Variants in ABHD12 observed in about 807,000 individuals in gnomAD.
ABHD12 encodes the protein abhydrolase domain containing 12, lysophospholipase.
Under a neutral mutation model 58.3 loss-of-function variants are expected in ABHD12, and 43 were observed. The observed-to-expected ratio is 0.74, with a 90% CI of 0.58 to 0.95. The LOEUF is 0.95. Ranked by LOEUF, ABHD12 falls within the 40% of genes least tolerant of loss-of-function variation. The probability of loss-of-function intolerance (pLI) is 0.00; values close to 1 mark genes in which losing one functional copy is unlikely to be tolerated. For synonymous variants in ABHD12, 219 were observed against 211.2 expected, an observed-to-expected ratio of 1.04 and a Z score of -0.32; for missense variants, 539 against 537.2, an observed-to-expected ratio of 1.00 and a Z score of -0.03.
intron 1 of ABHD12, among the ~76,000 whole-genome samples, chr20:25,352,366 G>A (rs952714629): frequency 6.6e-6 from 1 of 151,960 alleles, no homozygotes; most frequent in African/African-American, 2.4e-5. Context: ...CCAGCTCACT[G>A]CAACCCCCAC....
At chr20:25,332,191 G>T (rs1393672261) in intron 2 of ABHD12, among the ~76,000 whole-genome samples, 4 of 151,684 alleles carry the variant, frequency 2.6e-5, no homozygotes, top group Non-Finnish European at 5.9e-5. Context: ...AACCAACAAA[G>T]ATCAAAAGAG....
Position 25,379,267 on chromosome 20 carries a change from T to A in ABHD12, c.191+11246A>T, listed in dbSNP as rs558308349. Among the ~76,000 whole-genome samples the A allele has an allele frequency of 7.9e-5, 12 of 152,314 alleles. No homozygotes were observed. In the South Asian group the frequency reaches 2.3e-3, roughly 29 times the overall value. ...CCCAAGGGAACTGTCCTTGTCATCC[T>A]TTTTAAAAACATTAAATGTCAGAAA... On this transcript the variant is annotated intron_variant, in intron 1 of 12. Coordinates refer to ENST00000339157, the MANE Select transcript of ABHD12 (RefSeq NM_001042472.3).
intron 1 of ABHD12, among the ~76,000 whole-genome samples, chr20:25,347,390 T>C (rs1297352335): frequency 6.6e-6 from 1 of 152,222 alleles, no homozygotes. Flanking sequence ...TGGGGTATGC[T>C]TCTTTCTTTC....
intron 1 of ABHD12, among the ~76,000 whole-genome samples, chr20:25,375,230 G>A (rs2089948155): frequency 6.6e-6 from 1 of 152,186 alleles, no homozygotes; most frequent in South Asian, 2.1e-4. Context: ...GGAATCGAGA[G>A]AAAATAAACT....
intron 1 of ABHD12, among the ~76,000 whole-genome samples, chr20:25,387,247 T>C (rs1261581300): frequency 6.6e-6 from 1 of 152,170 alleles, no homozygotes; most frequent in Non-Finnish European, 1.5e-5. Context: ...AACTTTGTTC[T>C]AGAAATACAA....
At chr20:25,295,990 T>C (rs901677658), downstream of ABHD12, among the ~76,000 whole-genome samples, 1 of 152,172 alleles carries the variant, frequency 6.6e-6, no homozygotes, top group South Asian at 2.1e-4. Context: ...TGGCCTGGTG[T>C]GACCTGCAGC....
At chr20:25,373,070 CA>C (rs2089918373) in intron 1 of ABHD12, among the ~76,000 whole-genome samples, 1 of 152,198 alleles carries the variant, frequency 6.6e-6, no homozygotes, top group Non-Finnish European at 1.5e-5. Flanking sequence ...AGCCTAGGAG[CA>C]ATAGGCCTTA....
intron 1 of ABHD12, among the ~76,000 whole-genome samples, chr20:25,348,609 G>A (rs1473364176): frequency 6.6e-6 from 1 of 151,946 alleles, no homozygotes; most frequent in Non-Finnish European, 1.5e-5. Context: ...TCCAGTCTGG[G>A]CAACAAAGCA....
chr20:25,348,458 A>C (rs867342121), intron 1 of ABHD12, among the ~76,000 whole-genome samples: 33 of 151,174 alleles, frequency 2.2e-4, no homozygotes, highest in African/African-American at 4.4e-4. Flanking sequence ...AAAAAAAAAA[A>C]AAAAAAAAAC....
intron 1 of ABHD12, among the ~76,000 whole-genome samples, chr20:25,383,528 TC>T (rs2090046832): frequency 6.6e-6 from 1 of 152,144 alleles, no homozygotes; most frequent in Non-Finnish European, 1.5e-5. Context: ...GCCCACAAAA[TC>T]CCTCATTTGG....
intron 1 of ABHD12, among the ~76,000 whole-genome samples, chr20:25,356,223 T>A (rs1169987648): frequency 6.6e-6 from 1 of 152,222 alleles, no homozygotes; most frequent in Non-Finnish European, 1.5e-5. Context: ...TGGTAGCTCC[T>A]CTAGGTCTCC....
Position 25,300,543 on chromosome 20 carries a change from A to C in ABHD12, c.*302T>G. On this transcript the variant is annotated 3_prime_UTR_variant, in exon 13 of 13. Transcript: ENST00000339157. ...CTCCCCCTGTCCAGCTCAGTGCAGCATCAAGCAGGCAGTGATGGCTGCCTG... is the reference window on the plus strand; with the variant it reads ...CTCCCCCTGTCCAGCTCAGTGCAGCCTCAAGCAGGCAGTGATGGCTGCCTG... The C allele has an allele frequency of 7.3e-7, 1 of 1,377,454 alleles. No individual in the cohort carries two copies. Among genetic ancestry groups the C allele is most frequent in the South Asian group, 1.5e-5 (1 of 66,318 alleles). 85.3% of individuals were successfully genotyped at this position (1,377,454 alleles called of 1,614,324 possible). A position where few individuals can be genotyped will look rare whatever the true frequency, so the allele number is the denominator to read the frequency against.
chr20:25,370,146 T>C (rs1417832187), intron 1 of ABHD12, among the ~76,000 whole-genome samples: 1 of 152,264 alleles, frequency 6.6e-6, no homozygotes, highest in East Asian at 1.9e-4. Flanking sequence ...TTCAATGCCT[T>C]GGGGCGCTGA....
chr20:25,374,079 C>T (rs919022058), intron 1 of ABHD12, among the ~76,000 whole-genome samples: 19 of 152,156 alleles, frequency 1.2e-4, no homozygotes, highest in African/African-American at 4.6e-4. Flanking sequence ...ATGCACACCA[C>T]GCCTGGCTAA....
At chr20:25,375,225 C>G (rs2089948009) in intron 1 of ABHD12, among the ~76,000 whole-genome samples, 1 of 152,156 alleles carries the variant, frequency 6.6e-6, no homozygotes. Context: ...CCTCTGGAAT[C>G]GAGAGAAAAT....
intron 1 of ABHD12, among the ~76,000 whole-genome samples, chr20:25,359,633 G>A (rs759603722): frequency 1.2e-4 from 18 of 151,622 alleles, no homozygotes; most frequent in Middle Eastern, 3.4e-3. Context: ...GCAGTGGTGC[G>A]ATCTCGGCTC....
intron 1 of ABHD12, among the ~76,000 whole-genome samples, chr20:25,343,987 T>C (rs1001345711): frequency 1.3e-5 from 2 of 152,074 alleles, no homozygotes; most frequent in Non-Finnish European, 2.9e-5. Context: ...ATTAATGTAA[T>C]ACATCACATC....
chr20:25,351,118 TC>T (rs1482870965), intron 1 of ABHD12, among the ~76,000 whole-genome samples: 26 of 152,202 alleles, frequency 1.7e-4, no homozygotes, highest in Admixed American at 1.7e-3. Context: ...CTGTCTATTG[TC>T]ATTTAATTCA....
intron 10 of ABHD12, among the ~76,000 whole-genome samples, chr20:25,305,367 C>CTT (rs11087512): frequency 4.5e-4 from 65 of 143,596 alleles, no homozygotes; most frequent in East Asian, 1.2e-3. Context: ...TACTTTCCCT[C>CTT]TTTTTTTTTT....
Sources: gnomAD v4.1 joint callset for allele counts (sites outside exome capture counted in the v4.1 genomes callset) on GRCh38, gnomAD v4.1.1 for gene constraint, MANE v1.5 for transcripts, NCBI Gene and HGNC (gene_info 2026-07-23, HGNC 2026-07-21) for gene names.